The following KCNH8 variants were observed in gnomAD, a reference collection of about 807,000 sequenced individuals.
KCNH8 encodes potassium voltage-gated channel subfamily H member 8.
A neutral mutation model predicts 103.6 loss-of-function variants in KCNH8; 70 were observed. The observed-to-expected ratio is 0.68, with a 90% confidence interval of 0.56 to 0.82. The LOEUF (loss-of-function observed/expected upper bound fraction) is 0.82. KCNH8 is among the 40% of genes least tolerant of loss of function. The probability of loss-of-function intolerance (pLI) is 0.00; values close to 1 mark genes in which losing one functional copy is unlikely to be tolerated. For missense variants in KCNH8, 1,217 were observed against 1,329.9 expected (o/e 0.92, Z 1.32); for synonymous variants, 498 against 489.4 (o/e 1.02, Z -0.23).
intron 2 of KCNH8, among the ~76,000 whole-genome samples, chr3:19,276,471 G>A (rs1309671524): frequency 6.6e-6 from 1 of 152,020 alleles, no homozygotes; most frequent in Non-Finnish European, 1.5e-5. Flanking sequence ...AATCCTGCTT[G>A]ATATTAGAAA....
chr3:19,191,176 C>A (rs2063550225), intron 1 of KCNH8, among the ~76,000 whole-genome samples: 1 of 151,696 alleles, frequency 6.6e-6, no homozygotes, highest in Non-Finnish European at 1.5e-5. Context: ...GTGTGTACTT[C>A]CACAAGATAG....
At chr3:19,351,552 C>T (rs1349645085) in intron 5 of KCNH8, among the ~76,000 whole-genome samples, 1 of 152,170 alleles carries the variant, frequency 6.6e-6, no homozygotes, top group Non-Finnish European at 1.5e-5. Flanking sequence ...AGAAACTCTA[C>T]AAGCCAGAAG....
At chr3:19,340,893 G>C (rs2065650727) in intron 3 of KCNH8, among the ~76,000 whole-genome samples, 1 of 152,086 alleles carries the variant, frequency 6.6e-6, no homozygotes, top group African/African-American at 2.4e-5. Context: ...TAAGGCAGAG[G>C]GAGAGACCAA....
chr3:19,328,622 A>G (rs961282299), intron 3 of KCNH8, among the ~76,000 whole-genome samples: 1 of 152,116 alleles, frequency 6.6e-6, no homozygotes, highest in African/African-American at 2.4e-5. Flanking sequence ...AATTCTGTGG[A>G]AAAAAATATA....
At chr3:19,254,319 A>G (rs1427440370) in intron 2 of KCNH8, among the ~76,000 whole-genome samples, 1 of 152,032 alleles carries the variant, frequency 6.6e-6, no homozygotes, top group Non-Finnish European at 1.5e-5. Context: ...TGTTCCCTGC[A>G]AAAAAGGAAG....
Position 19,494,971 on chromosome 3 carries a change from AT to A in KCNH8, c.2041-15391del, listed in dbSNP as rs2068407588. Among the ~76,000 whole-genome samples the A allele has an allele frequency of 5.3e-5, 8 of 151,960 alleles. No individual in the cohort carries two copies. The South Asian group carries it at 1.7e-3, about 32-fold the overall frequency. On this transcript the variant is annotated intron_variant, in intron 11 of 15. Coordinates refer to ENST00000328405, the MANE Select transcript of KCNH8 (RefSeq NM_144633.3). Reference sequence around the variant, plus strand: ...TTAGTGATGATGAGCATTTTTTCATATGTTTTCTAGCCACTTGTATGTATTC... The same window carrying A: ...TTAGTGATGATGAGCATTTTTTCATAGTTTTCTAGCCACTTGTATGTATTC...
chr3:19,428,471 T>C (rs2067062159), intron 7 of KCNH8, among the ~76,000 whole-genome samples: 1 of 152,204 alleles, frequency 6.6e-6, no homozygotes, highest in Admixed American at 6.5e-5. Context: ...ATATAGGTTT[T>C]CAATAATGAA....
intron 1 of KCNH8, among the ~76,000 whole-genome samples, chr3:19,173,272 C>G (rs887021896): frequency 6.6e-6 from 1 of 152,052 alleles, no homozygotes; most frequent in African/African-American, 2.4e-5. Flanking sequence ...AGTGATTTCT[C>G]CCTGAGCACT....
intron 5 of KCNH8, among the ~76,000 whole-genome samples, chr3:19,351,127 G>A (rs1402386173): frequency 6.6e-6 from 1 of 151,942 alleles, no homozygotes; most frequent in Non-Finnish European, 1.5e-5. Flanking sequence ...GTGGAAGAAG[G>A]GGTATCAGTG....
chr3:19,258,249 G>A (rs1009978149), intron 2 of KCNH8, among the ~76,000 whole-genome samples: 1 of 151,948 alleles, frequency 6.6e-6, no homozygotes, highest in Non-Finnish European at 1.5e-5. Flanking sequence ...ATTTGCCCAA[G>A]ATTACAAACT....
At chr3:19,170,126 A>G (rs1195199531) in intron 1 of KCNH8, among the ~76,000 whole-genome samples, 1 of 152,150 alleles carries the variant, frequency 6.6e-6, no homozygotes, top group East Asian at 1.9e-4. Context: ...TTTTTGTGAC[A>G]CATTTAAAGA....
chr3:19,209,282 G>T (rs1397433082), intron 1 of KCNH8, among the ~76,000 whole-genome samples: 1 of 151,990 alleles, frequency 6.6e-6, no homozygotes, highest in East Asian at 1.9e-4. Flanking sequence ...TGCAAACCAA[G>T]TCTTTTTAGT....
At chr3:19,396,351 CA>C in intron 7 of KCNH8, among the ~76,000 whole-genome samples, 1 of 152,114 alleles carries the variant, frequency 6.6e-6, no homozygotes, top group South Asian at 2.1e-4. Flanking sequence ...AGGACATATA[CA>C]AAGCCTTCAA....
intron 1 of KCNH8, among the ~76,000 whole-genome samples, chr3:19,250,810 C>A (rs2064266853): frequency 6.6e-6 from 1 of 152,156 alleles, no homozygotes; most frequent in Non-Finnish European, 1.5e-5. Flanking sequence ...AATTAAATTA[C>A]AATATCTTAG....
intron 11 of KCNH8, among the ~76,000 whole-genome samples, chr3:19,479,508 G>A (rs965151421): frequency 1.2e-4 from 19 of 152,112 alleles, no homozygotes; most frequent in African/African-American, 4.3e-4. Flanking sequence ...TTAGATGGTG[G>A]TGAAATGTCA....
chr3:19,319,177 C>T (rs956688882), intron 3 of KCNH8, among the ~76,000 whole-genome samples: 1 of 151,914 alleles, frequency 6.6e-6, no homozygotes, highest in African/African-American at 2.4e-5. Context: ...CATTAAGTCC[C>T]ATCTATTTAT....
chr3:19,490,958 G>A (rs951623230), intron 11 of KCNH8, among the ~76,000 whole-genome samples: 2 of 152,072 alleles, frequency 1.3e-5, no homozygotes, highest in Non-Finnish European at 1.5e-5. Context: ...ACAGTCTGTG[G>A]TCACTTCTAG....
intron 5 of KCNH8, among the ~76,000 whole-genome samples, chr3:19,372,441 G>C (rs1287924628): frequency 6.6e-6 from 1 of 151,134 alleles, no homozygotes; most frequent in Non-Finnish European, 1.5e-5. Flanking sequence ...AAGAATGCTT[G>C]TGATTTTTGT....
intron 3 of KCNH8, among the ~76,000 whole-genome samples, chr3:19,332,736 G>T (rs975792456): frequency 6.6e-6 from 1 of 151,966 alleles, no homozygotes; most frequent in Non-Finnish European, 1.5e-5. Context: ...AGGTTCAAGC[G>T]ATTCTCATGC....
Sources: allele counts gnomAD v4.1 joint callset (sites outside exome capture counted in the v4.1 genomes callset), GRCh38; gene constraint gnomAD v4.1.1; transcripts MANE v1.5; gene names NCBI Gene and HGNC (gene_info 2026-07-23, HGNC 2026-07-21).